Variants in NUP98 observed in about 807,000 individuals in gnomAD.
NUP98 encodes nucleoporin 98 and 96 precursor.
In NUP98, 26 loss-of-function variants were observed where a neutral mutation model predicts 191.9. The ratio of observed to expected loss-of-function variants is 0.14; its 90% CI spans 0.10 to 0.19. The LOEUF is 0.19. Ranked by LOEUF, NUP98 falls within the 10% of genes least tolerant of loss-of-function variation. NUP98 has a pLI of 1.00. For missense variants in NUP98, 1,941 were observed against 2,178.8 expected (o/e 0.89, Z 2.17); for synonymous variants, 808 against 778.4 (o/e 1.04, Z -0.63).
intron 12 of NUP98, among the ~76,000 whole-genome samples, chr11:3,738,234 T>C (rs182798850): frequency 6.6e-6 from 1 of 152,254 alleles, no homozygotes; most frequent in African/African-American, 2.4e-5. Flanking sequence ...AGTATCTTGA[T>C]AGATTAGCAA....
Position 3,702,752 on chromosome 11 carries a change from T to G in NUP98, c.3223A>C (p.Thr1075Pro). ...TSSWSVPPPL[T>P]SVFTMPSPAP... is the part of the protein sequence containing the mutation. ...GGGCTGGGCATTGTGAACACAGAAG[T>G]CAGGGGTGGAGGGACAGACCAAGAG... The change falls in exon 23 of 33, where the codon ACT becomes CCT. Residue 1075 changes from threonine (T) to proline (P), a missense_variant. Thr to Pro is a conservative substitution (Grantham distance 38). Around this residue, in one of 6 missense-constraint regions of NUP98, gnomAD observed 1,030 missense variants for 1,115.8 expected, o/e 0.92. Transcript: ENST00000324932. 1 of 1,614,048 alleles carries G rather than the reference T, an allele frequency of 6.2e-7. No homozygotes were observed. Among genetic ancestry groups the G allele is most frequent in the Non-Finnish European group, 8.5e-7 (1 of 1,180,016 alleles).
chr11:3,740,492 T>C (rs2080240794), intron 12 of NUP98, among the ~76,000 whole-genome samples: 1 of 150,578 alleles, frequency 6.6e-6, no homozygotes, highest in African/African-American at 2.4e-5. Flanking sequence ...ACTCCAGTCT[T>C]GGGGAGAGAG....
At chr11:3,705,682 A>T (rs1231662818) in intron 21 of NUP98, among the ~76,000 whole-genome samples, 1 of 152,246 alleles carries the variant, frequency 6.6e-6, no homozygotes, top group African/African-American at 2.4e-5. Context: ...GGATAAAGGG[A>T]AGTAAAGACA....
At chr11:3,699,679 A>G (rs1458215839) in intron 24 of NUP98, among the ~76,000 whole-genome samples, 4 of 152,218 alleles carry the variant, frequency 2.6e-5, no homozygotes, top group South Asian at 4.1e-4. Context: ...ATAAAAATCA[A>G]TCTACAAAAG....
At chr11:3,776,818 CG>C (rs1218523108) in intron 4 of NUP98, among the ~76,000 whole-genome samples, 2 of 151,934 alleles carry the variant, frequency 1.3e-5, no homozygotes, top group African/African-American at 4.8e-5. Flanking sequence ...CAGAAAGATA[CG>C]TACTTCCAGG....
chr11:3,690,070 G>C (rs935875933), intron 28 of NUP98, among the ~76,000 whole-genome samples: 8 of 148,260 alleles, frequency 5.4e-5, no homozygotes, highest in Middle Eastern at 3.5e-3. Context: ...TCCTGCCTCA[G>C]TTTCCTAGGT....
chr11:3,699,471 A>G, intron 24 of NUP98, 123 bp from the exon 25 acceptor site: 2 of 1,033,350 alleles, frequency 1.9e-6, no homozygotes, highest in Non-Finnish European at 2.8e-6. Flanking sequence ...CAACCACTCA[A>G]GCTGATTACC....
At position 3,743,461 on chromosome 11, in the gene NUP98, A is replaced by G. The variant is rs566431003; in HGVS notation, c.1408+1048T>C. Among the ~76,000 whole-genome samples, 527 of 144,532 alleles carry G rather than the reference A, an allele frequency of 3.6e-3. 3 individuals carry two copies. Among genetic ancestry groups the G allele is most frequent in the African/African-American group, 0.012 (494 of 39,836 alleles). 94.8% of individuals were successfully genotyped at this position (144,532 alleles called of 152,430 possible). A position where few individuals can be genotyped will look rare whatever the true frequency, so the allele number is the denominator to read the frequency against. ...GGAGATCGAGACCATCCTGGCTAAC[A>G]TGGTGAAACCCCGTCTCTACTGAAA... On this transcript the variant is annotated intron_variant, in intron 12 of 32. Coordinates refer to ENST00000324932, the MANE Select transcript of NUP98 (RefSeq NM_016320.5).
chr11:3,786,026 G>A (rs2082129388), intron 1 of NUP98, among the ~76,000 whole-genome samples: 1 of 151,858 alleles, frequency 6.6e-6, no homozygotes, highest in African/African-American at 2.4e-5. Context: ...CTGTTCTAAT[G>A]CTGCTTATGA....
At chr11:3,678,197 G>C (rs572154542) in intron 31 of NUP98, among the ~76,000 whole-genome samples, 25 of 150,606 alleles carry the variant, frequency 1.7e-4, no homozygotes, top group African/African-American at 5.9e-4. Flanking sequence ...ACTTCATGTA[G>C]ATTTTGTTTA....
chr11:3,725,329 T>A (rs2079576646), intron 14 of NUP98, 110 bp from the exon 15 acceptor site: 1 of 613,328 alleles, frequency 1.6e-6, no homozygotes, highest in Non-Finnish European at 2.9e-6. Flanking sequence ...GCTCAACTCT[T>A]GTACACCTAA....
At chr11:3,744,003 G>A (rs1478319163) in intron 12 of NUP98, among the ~76,000 whole-genome samples, 3 of 152,060 alleles carry the variant, frequency 2.0e-5, no homozygotes, top group Non-Finnish European at 1.5e-5. Context: ...AGGTTGCAGT[G>A]AGCTGAGATC....
intron 1 of NUP98, among the ~76,000 whole-genome samples, chr11:3,793,577 A>T (rs1589994292): frequency 6.6e-6 from 1 of 151,778 alleles, no homozygotes; most frequent in South Asian, 2.1e-4. Context: ...GAGCCACCAC[A>T]CCCGGCCAGC....
At chr11:3,769,750 A>C (rs1380084131) in intron 7 of NUP98, among the ~76,000 whole-genome samples, 1 of 150,566 alleles carries the variant, frequency 6.6e-6, no homozygotes, top group Non-Finnish European at 1.5e-5. Flanking sequence ...CCTGCTAAAA[A>C]TTAGGGCTGG....
At chr11:3,792,029 A>G (rs1471394763) in intron 1 of NUP98, among the ~76,000 whole-genome samples, 1 of 151,250 alleles carries the variant, frequency 6.6e-6, no homozygotes, top group Non-Finnish European at 1.5e-5. Flanking sequence ...AATACAAAAA[A>G]TTAGCCGGGC....
rs557874064 is a variant in NUP98 at position 3,746,478 on chromosome 11, G to A, written c.1268-1829C>T. 2.7e-3 allele frequency among the ~76,000 whole-genome samples: 417 copies of A among 151,758 alleles called. 8 individuals are homozygous for A. The highest frequency in any genetic ancestry group is 9.2e-3 in the African/African-American group (380 of 41,170). On this transcript the variant is annotated intron_variant, in intron 11 of 32. Transcript: ENST00000324932. ...CTTGCCTCCAAACAAAAACTTAGGTGAAACTCAAATATATAAAATAGATGA... is the reference window on the plus strand; with the variant it reads ...CTTGCCTCCAAACAAAAACTTAGGTAAAACTCAAATATATAAAATAGATGA...
chr11:3,684,656 A>C lies in NUP98; in HGVS notation c.4677-1215T>G, dbSNP rs193240361. 5.7e-4 allele frequency among the ~76,000 whole-genome samples: 86 copies of C among 152,158 alleles called. 1 individual carries two copies. Among genetic ancestry groups the C allele is most frequent in the Admixed American group, 5.4e-3 (83 of 15,280 alleles). On this transcript the variant is annotated intron_variant, in intron 29 of 32. Coordinates refer to ENST00000324932, the MANE Select transcript of NUP98 (RefSeq NM_016320.5). ...AGAAGAAAGAGAAACTGCTTAAAGA[A>C]AGAGAAATTGCTTAAGTCTTAATAA...
intron 25 of NUP98, among the ~76,000 whole-genome samples, chr11:3,696,329 T>C (rs1750921313): frequency 6.6e-6 from 1 of 151,128 alleles, no homozygotes; most frequent in Admixed American, 6.6e-5. Flanking sequence ...TGATGAAACT[T>C]TGTCTCTACT....
At chr11:3,732,190 G>A (rs1438467723) in intron 13 of NUP98, among the ~76,000 whole-genome samples, 2 of 152,176 alleles carry the variant, frequency 1.3e-5, no homozygotes, top group Non-Finnish European at 2.9e-5. Flanking sequence ...GGAGGTTGCA[G>A]TAAGCCGAGA....
Sources: gnomAD v4.1 joint callset for allele counts (sites outside exome capture counted in the v4.1 genomes callset) on GRCh38, gnomAD v4.1.1 for gene constraint, gnomAD v4.1.1 regional missense constraint, MANE v1.5 for transcripts, NCBI Gene and HGNC (gene_info 2026-07-23, HGNC 2026-07-21) for gene names.